SYCP1: variants seen among roughly 807,000 people sequenced by gnomAD.
SYCP1 encodes the protein cancer/testis antigen 8.
A neutral mutation model predicts 153.1 loss-of-function variants in SYCP1; 64 were observed. The observed-to-expected ratio is 0.42, with a 90% CI of 0.34 to 0.51. SYCP1 has a LOEUF of 0.51. Among genes scored for constraint, SYCP1 ranks in the 20% least tolerant of loss-of-function variants. The probability of loss-of-function intolerance (pLI) is 0.06; values close to 1 mark genes in which losing one functional copy is unlikely to be tolerated. For missense variants in SYCP1, 997 were observed against 1,049.0 expected (o/e 0.95, Z 0.68); for synonymous variants, 384 against 341.8 (o/e 1.12, Z -1.36).
At chr1:114,977,143 C>T (rs1672844673) in intron 27 of SYCP1, among the ~76,000 whole-genome samples, 1 of 151,758 alleles carries the variant, frequency 6.6e-6, no homozygotes, top group Non-Finnish European at 1.5e-5. Flanking sequence ...TGAACTGCAC[C>T]TTTTCTCAAC....
At chr1:114,875,677 A>C (rs1417894804) in intron 9 of SYCP1, among the ~76,000 whole-genome samples, 1 of 152,182 alleles carries the variant, frequency 6.6e-6, no homozygotes, top group Non-Finnish European at 1.5e-5. Flanking sequence ...TGCCGAATGA[A>C]CACATGCTGC....
rs768366210 is a variant in SYCP1, at chr1:114,994,951, C to T, written c.2863C>T (p.Arg955Cys). 13 of 1,607,686 alleles carry T rather than the reference C, an allele frequency of 8.1e-6. No individual in the cohort carries two copies. Among genetic ancestry groups the T allele is most frequent in the Middle Eastern group, 1.7e-4 (1 of 6,026 alleles). ...AGCTATAAGAAAAATGCGGGAGGAC[C>T]GTTGGGCTGTAATTGCTAAAATGGA... ...FGAIRKMRED[R>C]WAVIAKMDRK... The change falls in exon 32 of 32, where the codon CGT becomes TGT. Residue 955 changes from arginine to cysteine, a missense_variant. By Grantham distance (180) the Arg-to-Cys change is radical. Around this residue, in one of 2 missense-constraint regions of SYCP1, gnomAD observed 712 missense variants for 682.9 expected, o/e 1.04. Transcript: ENST00000369522.
chr1:114,892,779 A>G (rs1346539484), intron 15 of SYCP1, among the ~76,000 whole-genome samples: 2 of 152,042 alleles, frequency 1.3e-5, no homozygotes, highest in African/African-American at 4.8e-5. Flanking sequence ...TCTTGGTAGC[A>G]GTAGCCAGCA....
At chr1:114,988,821 A>G (rs554604524) in intron 30 of SYCP1, among the ~76,000 whole-genome samples, 2 of 152,020 alleles carry the variant, frequency 1.3e-5, no homozygotes, top group African/African-American at 4.8e-5. Context: ...TTAAAGACAA[A>G]TGCATATAAA....
Position 114,876,055 on chromosome 1 carries a change from A to G in SYCP1, c.658-14A>G, listed in dbSNP as rs775814361. The G allele has an allele frequency of 6.5e-7, 1 of 1,532,622 alleles. No individual in the cohort carries two copies. The highest frequency in any genetic ancestry group is 2.3e-5 in the East Asian group (1 of 43,416). 94.9% of individuals were successfully genotyped at this position (1,532,622 alleles called of 1,614,324 possible). A position where few individuals can be genotyped will look rare whatever the true frequency, so the allele number is the denominator to read the frequency against. On this transcript the variant is annotated splice_polypyrimidine_tract_variant and intron_variant, in intron 9 of 31. Coordinates refer to ENST00000369522, the MANE Select transcript of SYCP1 (RefSeq NM_003176.4). ...AAAAAATTTAAGTATGATTCTTAAAACTTTATATTTCAGAAAATGATAACA... is the reference window on the plus strand; with the variant it reads ...AAAAAATTTAAGTATGATTCTTAAAGCTTTATATTTCAGAAAATGATAACA...
chr1:114,875,997 G>C, intron 9 of SYCP1, 72 bp from the exon 10 acceptor site: 1 of 962,264 alleles, frequency 1.0e-6, no homozygotes, highest in Non-Finnish European at 1.5e-6. Flanking sequence ...TACAAATTTG[G>C]TAATATTTTC....
intron 23 of SYCP1, among the ~76,000 whole-genome samples, chr1:114,939,765 G>A (rs360670): frequency 0.5 from 75,349 of 151,940 alleles, 19,991 homozygotes; most frequent in Middle Eastern, 0.62. Flanking sequence ...AAAACCATGC[G>A]TTTTATTATA....
chr1:114,951,973 G>A (rs1671136345), intron 27 of SYCP1, among the ~76,000 whole-genome samples: 1 of 152,160 alleles, frequency 6.6e-6, no homozygotes, highest in Admixed American at 6.5e-5. Context: ...AAGTTGGAAA[G>A]CAGATAGAAA....
chr1:114,921,989 T>C (rs756543263), intron 20 of SYCP1, among the ~76,000 whole-genome samples: 4 of 152,186 alleles, frequency 2.6e-5, no homozygotes, highest in African/African-American at 4.8e-5. Flanking sequence ...AAGGTTTCCA[T>C]TGAAAAGTCT....
Position 114,880,217 on chromosome 1 carries a change from C to T in SYCP1, c.910+2015C>T, listed in dbSNP as rs1665825358. Among the ~76,000 whole-genome samples the T allele has an allele frequency of 3.3e-5, 5 of 152,218 alleles. No individual in the cohort carries two copies. The South Asian group carries it at 1.0e-3, about 31-fold the overall frequency. On this transcript the variant is annotated intron_variant, in intron 12 of 31. Coordinates refer to ENST00000369522, the MANE Select transcript of SYCP1 (RefSeq NM_003176.4). The stretch of plus-strand genomic sequence containing the variant: ...TGCAACCATAACCACCATCTTTCTT[C>T]TCCAAGAACTCACCATCCAAGAACT...
At chr1:114,888,864 C>G (rs755181040) in intron 15 of SYCP1, among the ~76,000 whole-genome samples, 36 of 151,764 alleles carry the variant, frequency 2.4e-4, no homozygotes, top group Non-Finnish European at 4.3e-4. Context: ...AGCCCCCCAC[C>G]CCGCAACAGG....
intron 9 of SYCP1, 133 bp from the exon 10 acceptor site, chr1:114,875,936 A>G (rs751581588): frequency 6.9e-5 from 37 of 537,930 alleles, no homozygotes; most frequent in Non-Finnish European, 9.3e-5. Context: ...TTCAAATTAC[A>G]GTGTTTTAGT....
chr1:114,904,412 C>T (rs189182125), intron 16 of SYCP1, among the ~76,000 whole-genome samples: 13 of 152,066 alleles, frequency 8.5e-5, no homozygotes, highest in East Asian at 1.9e-4. Flanking sequence ...CACCTCGCCC[C>T]GCCTAGAATT....
chr1:114,875,549 G>A (rs1446312078), intron 9 of SYCP1, among the ~76,000 whole-genome samples: 1 of 152,026 alleles, frequency 6.6e-6, no homozygotes, highest in East Asian at 1.9e-4. Flanking sequence ...GTGAGCCCCC[G>A]CGCCCGGCCG....
chr1:114,994,261 A>G (rs2101995173), intron 30 of SYCP1, among the ~76,000 whole-genome samples: 1 of 151,552 alleles, frequency 6.6e-6, no homozygotes, highest in Non-Finnish European at 1.5e-5. Flanking sequence ...GCTGGATCAT[A>G]GATAATATTA....
chr1:114,985,476 A>G (rs1673438525), intron 30 of SYCP1, among the ~76,000 whole-genome samples: 1 of 151,964 alleles, frequency 6.6e-6, no homozygotes, highest in Non-Finnish European at 1.5e-5. Context: ...GCTTAGATTC[A>G]TTTAATTTTT....
chr1:114,956,635 G>A (rs1265176987), intron 27 of SYCP1, among the ~76,000 whole-genome samples: 1 of 152,122 alleles, frequency 6.6e-6, no homozygotes, highest in Non-Finnish European at 1.5e-5. Context: ...ACAATCTTCT[G>A]AACTCAGGTC....
intron 12 of SYCP1, 31 bp from the exon 13 acceptor site, chr1:114,885,504 A>T: frequency 7.8e-7 from 1 of 1,274,208 alleles, no homozygotes; most frequent in Non-Finnish European, 1.1e-6. Context: ...TCTTCTGCTA[A>T]GTACTATCTA....
At chr1:114,909,142 T>C (rs754407409) in intron 16 of SYCP1, among the ~76,000 whole-genome samples, 14 of 152,298 alleles carry the variant, frequency 9.2e-5, no homozygotes, top group East Asian at 5.8e-4. Context: ...GTAGTATTCA[T>C]ACATAGAATC....
Sources: gnomAD v4.1 joint callset for allele counts (sites outside exome capture counted in the v4.1 genomes callset) on GRCh38, gnomAD v4.1.1 for gene constraint, gnomAD v4.1.1 regional missense constraint, MANE v1.5 for transcripts, NCBI Gene and HGNC (gene_info 2026-07-23, HGNC 2026-07-21) for gene names.